The following SPP2 variants were observed in gnomAD, a reference collection of about 807,000 sequenced individuals.
The protein encoded by SPP2 is secreted phosphoprotein 2, also known as secreted phosphoprotein 24.
A neutral mutation model predicts 28.8 loss-of-function variants in SPP2; 34 were observed. That is an observed-to-expected ratio of 1.18 (90% CI 0.90 to 1.57). The LOEUF (loss-of-function observed/expected upper bound fraction) is 1.57, where lower values mean the gene tolerates loss of function less well. SPP2 is among the 40% of genes most tolerant of loss of function. SPP2 has a pLI of 0.00. For missense variants in SPP2, 269 were observed against 263.9 expected, an observed-to-expected ratio of 1.02 and a Z score of -0.13; for synonymous variants, 96 against 89.4, an observed-to-expected ratio of 1.07 and a Z score of -0.42.
intron 4 of SPP2, among the ~76,000 whole-genome samples, chr2:234,065,549 G>T (rs868557729): frequency 2.0e-4 from 30 of 152,186 alleles, no homozygotes; most frequent in African/African-American, 6.8e-4. Context: ...AAAGTGCTGG[G>T]ATTACAGGCA....
At chr2:234,059,070 A>G in intron 3 of SPP2, 112 bp downstream of exon 3, 1 of 1,296,976 alleles carries the variant, frequency 7.7e-7, no homozygotes, top group Non-Finnish European at 1.0e-6. Context: ...ATCTGGCCAC[A>G]CTGCTAACAT....
At chr2:234,065,095 C>T (rs1041894948) in intron 4 of SPP2, among the ~76,000 whole-genome samples, 7 of 152,208 alleles carry the variant, frequency 4.6e-5, no homozygotes, top group Non-Finnish European at 8.8e-5. Context: ...GTTTAATGAC[C>T]GTATAGTGAC....
chr2:234,056,156 G>T, intron 2 of SPP2: 1 of 151,944 alleles, frequency 6.6e-6, no homozygotes, highest in Admixed American at 6.6e-5. Context: ...GAAAATTTTT[G>T]CAATCTACTC....
intron 7 of SPP2, among the ~76,000 whole-genome samples, chr2:234,073,589 C>T (rs1426167300): frequency 6.6e-6 from 1 of 151,992 alleles, no homozygotes; most frequent in African/African-American, 2.4e-5. Context: ...TTATTTATTG[C>T]TCTAAGGTAG....
intron 3 of SPP2, 98 bp from the exon 4 acceptor site, chr2:234,060,271 T>C: frequency 1.2e-6 from 1 of 819,064 alleles, no homozygotes; most frequent in South Asian, 1.5e-5. Flanking sequence ...TCTTTGTCAT[T>C]TCGTCAAACC....
intron 2 of SPP2, among the ~76,000 whole-genome samples, chr2:234,055,634 A>C (rs1307282753): frequency 6.6e-6 from 1 of 152,188 alleles, no homozygotes; most frequent in Non-Finnish European, 1.5e-5. Flanking sequence ...AAGTCAAAAA[A>C]TACAAGAAAG....
chr2:234,066,167 G>A (rs1456387784), intron 4 of SPP2, among the ~76,000 whole-genome samples: 1 of 152,108 alleles, frequency 6.6e-6, no homozygotes, highest in Non-Finnish European at 1.5e-5. Context: ...TTTTCCTACT[G>A]AACATATTAC....
chr2:234,070,114 A>G (rs1693905461), intron 7 of SPP2, 91 bp downstream of exon 7: 4 of 996,814 alleles, frequency 4.0e-6, no homozygotes, highest in Non-Finnish European at 6.2e-6. Flanking sequence ...AATATCTGCA[A>G]TATGCTATTC....
intron 7 of SPP2, among the ~76,000 whole-genome samples, chr2:234,076,085 T>A (rs1445955885): frequency 6.6e-6 from 1 of 152,180 alleles, no homozygotes; most frequent in African/African-American, 2.4e-5. Flanking sequence ...CTGTGCACTG[T>A]CATCAGAGTC....
In SPP2 at chr2:234,051,028, T is replaced by C. The variant is rs1444875439; in HGVS notation, c.143T>C (p.Val48Ala). Residue 48 changes from valine (V) to alanine (A), a missense_variant, in exon 2 of 8, where the codon GTG becomes GCG. Coordinates refer to ENST00000168148, the MANE Select transcript of SPP2 (RefSeq NM_006944.3). ...TTAAGGGATGCCCTCAGTGCCTCTG[T>C]GGTAAAAGTGAATTCCCAGTCACTG... The part of the protein sequence containing the change: ...SSLRDALSAS[V>A]VKVNSQSLSP... 1 of 1,614,014 alleles carries C rather than the reference T, an allele frequency of 6.2e-7. No individual in the cohort carries two copies. The highest frequency in any genetic ancestry group is 1.7e-5 in the Admixed American group (1 of 59,998).
chr2:234,064,214 T>C (rs920860913), intron 4 of SPP2, among the ~76,000 whole-genome samples: 19 of 142,130 alleles, frequency 1.3e-4, no homozygotes, highest in Non-Finnish European at 6.1e-5. Flanking sequence ...TCCTTCCTTC[T>C]CTGAGCCTCC....
At chr2:234,072,508 G>A (rs563760281) in intron 7 of SPP2, among the ~76,000 whole-genome samples, 2 of 152,056 alleles carry the variant, frequency 1.3e-5, no homozygotes, top group South Asian at 4.1e-4. Context: ...GTATACATAT[G>A]TGTATTGCAA....
At chr2:234,071,361 C>A (rs1170410281) in intron 7 of SPP2, among the ~76,000 whole-genome samples, 1 of 152,132 alleles carries the variant, frequency 6.6e-6, no homozygotes, top group Non-Finnish European at 1.5e-5. Context: ...AGACACTGGG[C>A]CAAGAGGAGG....
chr2:234,068,283 A>G (rs2125467945), intron 6 of SPP2, among the ~76,000 whole-genome samples: 1 of 152,322 alleles, frequency 6.6e-6, no homozygotes, highest in African/African-American at 2.4e-5. Flanking sequence ...AGGTAGCACT[A>G]TGTTCTTTCC....
intron 4 of SPP2, among the ~76,000 whole-genome samples, chr2:234,063,379 A>G (rs1474485993): frequency 1.3e-5 from 2 of 152,216 alleles, no homozygotes; most frequent in Non-Finnish European, 2.9e-5. Flanking sequence ...AGCCATGGCA[A>G]ATAAGCCCCA....
chr2:234,056,335 C>T lies in SPP2; in HGVS notation c.211-2501C>T, dbSNP rs1054662833. On this transcript the variant is annotated intron_variant, in intron 2 of 7. Transcript: ENST00000168148. Reference sequence around the variant, plus strand: ...ATGAAAAAATGCTCATCATCACTGGCCATCAGAGAAATGCAAATCAAAACC... The same window carrying T: ...ATGAAAAAATGCTCATCATCACTGGTCATCAGAGAAATGCAAATCAAAACC... The T allele has an allele frequency of 7.2e-5, 11 of 152,270 alleles. No individual in the cohort carries two copies. The South Asian group carries it at 1.9e-3, about 26-fold the overall frequency. 9.4% of individuals were successfully genotyped at this position (152,270 alleles called of 1,614,324 possible). A position where few individuals can be genotyped will look rare whatever the true frequency, so the allele number is the denominator to read the frequency against.
At chr2:234,056,964 G>A (rs1693620508) in intron 2 of SPP2, among the ~76,000 whole-genome samples, 1 of 151,898 alleles carries the variant, frequency 6.6e-6, no homozygotes, top group Non-Finnish European at 1.5e-5. Flanking sequence ...AGTAGTTCTC[G>A]CTCTCACAGA....
intron 5 of SPP2, 39 bp from the exon 6 acceptor site, chr2:234,067,185 T>A: frequency 6.4e-7 from 1 of 1,569,544 alleles, no homozygotes; most frequent in East Asian, 2.2e-5. Flanking sequence ...TCTGGAACAG[T>A]GAGAGGAGTC....
In SPP2 at chr2:234,060,423, G is replaced by A. The variant is rs202217477; in HGVS notation, c.388G>A (p.Val130Met). ...VKVSAQQVQG[V>M]HARCSWSSST... is the part of the protein sequence containing the mutation. ...GGTATCTGCCCAGCAGGTGCAGGGC[G>A]TGCATGCTCGCTGCAGCTGGTCCTC... The change falls in exon 4 of 8, where the codon GTG (valine) becomes ATG (methionine). Residue 130 changes from valine (V) to methionine (M), a missense_variant. Coordinates refer to ENST00000168148, the MANE Select transcript of SPP2 (RefSeq NM_006944.3). The A allele has an allele frequency of 3.0e-5, 49 of 1,613,578 alleles. No individual in the cohort carries two copies. Among genetic ancestry groups the A allele is most frequent in the East Asian group, 4.5e-5 (2 of 44,862 alleles).
Sources: allele counts gnomAD v4.1 joint callset (sites outside exome capture counted in the v4.1 genomes callset), GRCh38; gene constraint gnomAD v4.1.1; transcripts MANE v1.5; gene names NCBI Gene and HGNC (gene_info 2026-07-23, HGNC 2026-07-21).